ATAD3B: variants seen among roughly 807,000 people sequenced by gnomAD.
ATAD3B encodes the protein ATPase family AAA domain containing 3B, also known as ATPase family AAA domain-containing protein 3B.
ATAD3B carries 59 observed loss-of-function variants against 70.2 expected under a neutral mutation model. The ratio of observed to expected loss-of-function variants is 0.84; its 90% CI spans 0.68 to 1.04. The LOEUF (loss-of-function observed/expected upper bound fraction) is 1.04, where lower values mean the gene tolerates loss of function less well. Ranked by LOEUF, ATAD3B falls within the 50% of genes least tolerant of loss-of-function variation. The probability of loss-of-function intolerance (pLI) is 0.00; values close to 1 mark genes in which losing one functional copy is unlikely to be tolerated. For synonymous variants in ATAD3B, 423 were observed against 388.6 expected, an observed-to-expected ratio of 1.09 and a Z score of -1.04; for missense variants, 961 against 913.4, an observed-to-expected ratio of 1.05 and a Z score of -0.67.
intron 2 of ATAD3B, chr1:1,478,231 A>T: frequency 2.0e-6 from 1 of 497,562 alleles, no homozygotes; most frequent in Non-Finnish European, 3.5e-6. Context: ...TCCTGACCTC[A>T]GGTGATCCAG....
At position 1,486,553 on chromosome 1, in the gene ATAD3B, C is replaced by T. The variant is rs1158996250; in HGVS notation, c.1099C>T (p.Leu367=). 1 of 1,612,058 alleles carries T rather than the reference C, an allele frequency of 6.2e-7. No homozygotes were observed. The highest frequency in any genetic ancestry group is 1.7e-5 in the Admixed American group (1 of 59,936). ...CACTCTTCTTGTCCAGAAACTCGCC[C>T]TGCACTCAGGCATGGACTACGCCAT... is the stretch of plus-strand genomic sequence containing the variant. The part of the protein sequence containing the change: ...GKTLFAKKLA[L]HSGMDYAIMT... The change falls in exon 11 of 16, where the codon CTG becomes TTG. Residue 367 remains leucine (L), a synonymous_variant. Coordinates refer to ENST00000673477, the MANE Select transcript of ATAD3B (RefSeq NM_031921.6).
At position 1,486,557 on chromosome 1, in the gene ATAD3B, A is replaced by C; in HGVS notation, c.1103A>C (p.His368Pro). ...KTLFAKKLALHSGMDYAIMTG... is the reference protein window; with the variant it reads ...KTLFAKKLALPSGMDYAIMTG... ...CTTCTTGTCCAGAAACTCGCCCTGC[A>C]CTCAGGCATGGACTACGCCATCATG... Residue 368 changes from histidine (H) to proline (P), a missense_variant, in exon 11 of 16, where the codon CAC becomes CCC. Physicochemically the swap from His to Pro is moderately conservative, Grantham distance 77. Around this residue, in one of 4 missense-constraint regions of ATAD3B, gnomAD observed 349 missense variants for 307.5 expected, o/e 1.14. Coordinates refer to ENST00000673477, the MANE Select transcript of ATAD3B (RefSeq NM_031921.6). The C allele has an allele frequency of 1.2e-6, 2 of 1,611,896 alleles. No individual in the cohort carries two copies. Among genetic ancestry groups the C allele is most frequent in the Non-Finnish European group, 1.7e-6 (2 of 1,179,426 alleles).
At position 1,482,247 on chromosome 1, in the gene ATAD3B, C is replaced by A; in HGVS notation, c.624C>A (p.Arg208=). ...AGCGGGAGAATGCAGACATCATCCG[C>A]GAGCAGATCCGCCTGAAGGCGTCCG... is the stretch of plus-strand genomic sequence containing the variant. The part of the protein sequence containing the change: ...KAERENADII[R]EQIRLKASEH... The change falls in exon 6 of 16, where the codon CGC becomes CGA. Residue 208 remains arginine, a synonymous_variant. Transcript: ENST00000673477. 3.1e-6 allele frequency: 5 copies of A among 1,611,378 alleles called. No homozygotes were observed. The highest frequency in any genetic ancestry group is 3.4e-6 in the Non-Finnish European group (4 of 1,179,340).
At chr1:1,475,664 T>C (rs1422351593) in intron 1 of ATAD3B, among the ~76,000 whole-genome samples, 1 of 148,466 alleles carries the variant, frequency 6.7e-6, no homozygotes, top group Non-Finnish European at 1.5e-5. Context: ...GCGCTCGCCC[T>C]GCACTCCACA....
At chr1:1,505,629 T>C in the ATAD3B span, among the ~76,000 whole-genome samples, 1 of 152,140 alleles carries the variant, frequency 6.6e-6, no homozygotes, top group Admixed American at 6.5e-5. Flanking sequence ...GGCGCTGGCG[T>C]TACTGCTAGA....
rs555167451 is a variant in ATAD3B, at chr1:1,478,345, T to C, written c.283-299T>C. On this transcript the variant is annotated intron_variant, in intron 2 of 15. Coordinates refer to ENST00000673477, the MANE Select transcript of ATAD3B (RefSeq NM_031921.6). ...GGCACGAGCTCTGCCCTCATCACAG[T>C]CCAAAAGTGAGCACCTGCCTGGAGC... The C allele has an allele frequency of 8.3e-6, 11 of 1,326,596 alleles. No individual in the cohort carries two copies. In the African/African-American group the frequency reaches 1.3e-4, roughly 16 times the overall value. 82.2% of individuals were successfully genotyped at this position (1,326,596 alleles called of 1,614,324 possible). A position where few individuals can be genotyped will look rare whatever the true frequency, so the allele number is the denominator to read the frequency against.
intron 7 of ATAD3B, chr1:1,484,567 T>TAA (rs1450190790): frequency 6.2e-6 from 1 of 161,670 alleles, no homozygotes; most frequent in Admixed American, 6.0e-5. Context: ...CCTCTGGTGA[T>TAA]ACGCCGGCCT....
intron 9 of ATAD3B, 83 bp from the exon 10 acceptor site, chr1:1,486,027 C>A: frequency 6.2e-7 from 1 of 1,604,830 alleles, no homozygotes; most frequent in Non-Finnish European, 8.5e-7. Flanking sequence ...GCAGAGTCCG[C>A]ACCCGGGCAT....
At chr1:1,476,763 C>T (rs1639611929) in intron 1 of ATAD3B, among the ~76,000 whole-genome samples, 1 of 151,932 alleles carries the variant, frequency 6.6e-6, no homozygotes, top group Non-Finnish European at 1.5e-5. Flanking sequence ...CCGCCTCAGC[C>T]TCCCAAAGTG....
At chr1:1,499,776 T>C (rs1167152436), downstream of ATAD3B, among the ~76,000 whole-genome samples, 3 of 150,600 alleles carry the variant, frequency 2.0e-5, no homozygotes, top group Admixed American at 2.0e-4. Flanking sequence ...GTATTTTTAG[T>C]AGAGATGGGG....
intron 1 of ATAD3B, among the ~76,000 whole-genome samples, chr1:1,472,974 C>T (rs1639406784): frequency 6.6e-6 from 1 of 151,688 alleles, no homozygotes; most frequent in East Asian, 1.9e-4. Context: ...AGCCGCGCAG[C>T]ACCACGCCCG....
At chr1:1,498,879 A>C (rs1017314813), downstream of ATAD3B, among the ~76,000 whole-genome samples, 3 of 151,806 alleles carry the variant, frequency 2.0e-5, no homozygotes, top group Admixed American at 2.0e-4. Flanking sequence ...GGGGCGTCTC[A>C]TAGCTGGAGC....
chr1:1,477,354 A>G lies in ATAD3B; in HGVS notation c.282+4A>G. 6.2e-7 allele frequency: 1 copy of G among 1,612,002 alleles called. No individual in the cohort carries two copies. The highest frequency in any genetic ancestry group is 8.5e-7 in the Non-Finnish European group (1 of 1,179,654). On this transcript the variant is annotated splice_donor_region_variant and intron_variant, in intron 2 of 15. Coordinates refer to ENST00000673477, the MANE Select transcript of ATAD3B (RefSeq NM_031921.6). Reference sequence around the variant, plus strand: ...GGAGCAACAGTCCAAGCTCAAAGTGAGTGGGGCCGGTGTGGGCGAGGAGGC... The same window carrying G: ...GGAGCAACAGTCCAAGCTCAAAGTGGGTGGGGCCGGTGTGGGCGAGGAGGC...
intron 12 of ATAD3B, 112 bp downstream of exon 12, chr1:1,488,026 C>T (rs1640328154): frequency 7.0e-7 from 1 of 1,428,546 alleles, no homozygotes; most frequent in South Asian, 1.1e-5. Flanking sequence ...GCAATCTTGG[C>T]TCGCTGCAAC....
chr1:1,473,180 C>T (rs1228917776), intron 1 of ATAD3B, among the ~76,000 whole-genome samples: 7 of 137,994 alleles, frequency 5.1e-5, no homozygotes, highest in African/African-American at 2.0e-4. Flanking sequence ...CGCTCTGTCG[C>T]CCAGGCTGGA....
At chr1:1,494,039 C>T (rs1640659203) in intron 15 of ATAD3B, among the ~76,000 whole-genome samples, 1 of 152,060 alleles carries the variant, frequency 6.6e-6, no homozygotes, top group Non-Finnish European at 1.5e-5. Flanking sequence ...AGGTCCAGGT[C>T]TTCTCTTTGA....
intron 7 of ATAD3B, 148 bp from the exon 8 acceptor site, chr1:1,484,868 G>C (rs1640115695): frequency 1.4e-6 from 2 of 1,425,324 alleles, no homozygotes; most frequent in African/African-American, 1.4e-5. Context: ...GGGATTCGGG[G>C]CTGGGAATTC....
chr1:1,486,729 G>A (rs1300032408), intron 11 of ATAD3B, 61 bp downstream of exon 11: 6 of 1,495,018 alleles, frequency 4.0e-6, no homozygotes, highest in Non-Finnish European at 5.4e-6. Flanking sequence ...CTGCCTTCTG[G>A]GAAGGGGGTC....
Position 1,472,088 on chromosome 1 carries a change from G to C in ATAD3B, c.204G>C (p.Ser68=). ...AAKAARELEH[S]RYAKEALNLA... ...AGGCGGCGCGCGAGCTGGAGCACTC[G>C]CGTGAGTGCGGCGGGGCGGGGCGGG... is the stretch of plus-strand genomic sequence containing the variant. The change falls in exon 1 of 16, where the codon TCG becomes TCC. Residue 68 remains serine, a splice_region_variant and synonymous_variant. Coordinates refer to ENST00000673477, the MANE Select transcript of ATAD3B (RefSeq NM_031921.6). The C allele has an allele frequency of 8.3e-7, 1 of 1,202,740 alleles. No individual in the cohort carries two copies. The highest frequency in any genetic ancestry group is 1.0e-6 in the Non-Finnish European group (1 of 976,938). The allele number at this position is 1,202,740 out of a possible 1,614,324, so 74.5% of individuals were successfully genotyped here. A position where few individuals can be genotyped will look rare whatever the true frequency, so the allele number is the denominator to read the frequency against.
Sources: allele counts gnomAD v4.1 joint callset (sites outside exome capture counted in the v4.1 genomes callset), GRCh38; gene constraint gnomAD v4.1.1; regional missense constraint gnomAD v4.1.1; transcripts MANE v1.5; gene names NCBI Gene and HGNC (gene_info 2026-07-23, HGNC 2026-07-21).